RFXANK: variants seen among roughly 807,000 people sequenced by gnomAD.
RFXANK encodes regulatory factor X associated ankyrin containing protein.
Under a neutral mutation model 34.5 loss-of-function variants are expected in RFXANK, and 19 were observed. The observed-to-expected ratio is 0.55, with a 90% confidence interval of 0.38 to 0.81. RFXANK has a LOEUF of 0.81. Among genes scored for constraint, RFXANK ranks in the 30% least tolerant of loss-of-function variants. The pLI, the probability that RFXANK is intolerant of heterozygous loss-of-function variation, is 0.00. For synonymous variants in RFXANK, 154 were observed against 149.8 expected, an observed-to-expected ratio of 1.03 and a Z score of -0.20; for missense variants, 295 against 343.5, an observed-to-expected ratio of 0.86 and a Z score of 1.12.
rs1424876858 is a variant in RFXANK, at chr19:19,198,173, T to C, written c.505T>C (p.Tyr169His). Residue 169 changes from tyrosine (Y) to histidine (H), a missense_variant, in exon 7 of 10, where the codon TAC (tyrosine) becomes CAC (histidine). Transcript: ENST00000303088. ...CCTGTCGCTGGCCAGCACAGGCGGC[T>C]ACACAGACATTGTGGGGCTGCTGCT... is the stretch of plus-strand genomic sequence containing the variant. ...SALSLASTGG[Y>H]TDIVGLLLER... 6.2e-7 allele frequency: 1 copy of C among 1,614,168 alleles called. No homozygotes were observed. The highest frequency in any genetic ancestry group is 1.1e-5 in the South Asian group (1 of 91,072).
chr19:19,192,594 C>A (rs1398959670), intron 1 of RFXANK, 40 bp downstream of exon 1: 1 of 162,848 alleles, frequency 6.1e-6, no homozygotes, highest in Non-Finnish European at 1.3e-5. Flanking sequence ...CCGCGTACTT[C>A]CCCTACTTCT....
intron 9 of RFXANK, among the ~76,000 whole-genome samples, chr19:19,200,211 G>C (rs1346100465): frequency 3.6e-5 from 5 of 139,644 alleles, no homozygotes; most frequent in Admixed American, 7.6e-5. Flanking sequence ...GGAGTCTCGC[G>C]CTGTCACCCA....
chr19:19,198,574 C>G (rs970408065), intron 7 of RFXANK, 83 bp from the exon 8 acceptor site: 61 of 1,511,870 alleles, frequency 4.0e-5, no homozygotes, highest in Non-Finnish European at 5.3e-5. Flanking sequence ...GAACCACGTT[C>G]AACTGGAGGC....
At chr19:19,197,470 G>T (rs976000415) in intron 5 of RFXANK, 51 bp from the exon 6 acceptor site, 1 of 1,579,056 alleles carries the variant, frequency 6.3e-7, no homozygotes, top group African/African-American at 1.3e-5. Context: ...CAGCACTGGG[G>T]ATAGGGGGCA....
chr19:19,198,292 T>C, intron 7 of RFXANK, 60 bp downstream of exon 7: 3 of 1,608,056 alleles, frequency 1.9e-6, no homozygotes, highest in South Asian at 1.1e-5. Context: ...CTGCCTCAAA[T>C]GTTCACAGAG....
At chr19:19,199,375 C>G in intron 9 of RFXANK, 141 bp downstream of exon 9, 1 of 850,704 alleles carries the variant, frequency 1.2e-6, no homozygotes, top group South Asian at 1.4e-5. Flanking sequence ...GCTGTGTATC[C>G]CGCCTGGGAA....
rs964421837 is a variant in RFXANK at position 19,199,076 on chromosome 19, A to G, written c.632-78A>G. On this transcript the variant is annotated intron_variant, in intron 8 of 9. Coordinates refer to ENST00000303088, the MANE Select transcript of RFXANK (RefSeq NM_003721.4). Reference sequence around the variant, plus strand: ...TGCATTGTGGGGAATGAGGGGTGCCATGGGATCTCCCAGGTCCCCAGACCC... The same window carrying G: ...TGCATTGTGGGGAATGAGGGGTGCCGTGGGATCTCCCAGGTCCCCAGACCC... 2.2e-6 allele frequency: 3 copies of G among 1,372,580 alleles called. No homozygotes were observed. The African/African-American group carries it at 4.3e-5, about 19-fold the overall frequency. The allele number at this position is 1,372,580 out of a possible 1,614,324, so 85.0% of individuals were successfully genotyped here.
intron 5 of RFXANK, 113 bp from the exon 6 acceptor site, chr19:19,197,408 C>T: frequency 8.2e-7 from 1 of 1,223,828 alleles, no homozygotes; most frequent in Non-Finnish European, 1.2e-6. Flanking sequence ...TCAACATACG[C>T]TCCCCCTCAT....
chr19:19,199,010 C>T (rs947911788), intron 8 of RFXANK, 144 bp from the exon 9 acceptor site: 2 of 846,058 alleles, frequency 2.4e-6, no homozygotes, highest in Admixed American at 4.0e-5. Flanking sequence ...AGAGGTTGGA[C>T]CCTTGTCAAA....
intron 9 of RFXANK, among the ~76,000 whole-genome samples, chr19:19,200,298 C>T (rs2060685200): frequency 6.6e-6 from 1 of 151,728 alleles, no homozygotes; most frequent in African/African-American, 2.4e-5. Flanking sequence ...CTGCCTCAGC[C>T]TCCTGAGTAG....
At chr19:19,200,056 G>A (rs1269152353) in intron 9 of RFXANK, among the ~76,000 whole-genome samples, 1 of 152,022 alleles carries the variant, frequency 6.6e-6, no homozygotes, top group African/African-American at 2.4e-5. Context: ...ATGAAGTGGT[G>A]CAGGCACAGC....
chr19:19,198,763 T>C (rs1322668682), intron 8 of RFXANK, 40 bp downstream of exon 8: 2 of 1,599,428 alleles, frequency 1.3e-6, no homozygotes, highest in African/African-American at 1.3e-5. Flanking sequence ...GCCCCAGCAC[T>C]CCAGCGGGCC....
rs901570702 is a variant in RFXANK at position 19,197,049 on chromosome 19, G to A, written c.271+3G>A. The A allele has an allele frequency of 9.3e-6, 15 of 1,613,596 alleles. No individual in the cohort carries two copies. The highest frequency in any genetic ancestry group is 1.2e-5 in the Non-Finnish European group (14 of 1,180,010). The stretch of plus-strand genomic sequence containing the variant: ...AGCTCTGCCGGCCACCCTAGACTGT[G>A]AGTGGGCCCACGGTCCCCAACAAGG... On this transcript the variant is annotated splice_donor_region_variant and intron_variant, in intron 4 of 9. Transcript: ENST00000303088.
chr19:19,199,344 T>C (rs948463760), intron 9 of RFXANK, 110 bp downstream of exon 9: 1 of 1,021,118 alleles, frequency 9.8e-7, no homozygotes, highest in African/African-American at 1.6e-5. Context: ...AGCGAGAGTG[T>C]GTTGACAGGT....
chr19:19,196,823 C>A, intron 3 of RFXANK, 140 bp from the exon 4 acceptor site: 1 of 811,228 alleles, frequency 1.2e-6, no homozygotes, highest in East Asian at 2.5e-5. Context: ...CGAGATCACG[C>A]CACTGTACTC....
rs1196984337 is a variant in RFXANK, at chr19:19,197,626, G to A, written c.438+5G>A. On this transcript the variant is annotated splice_donor_5th_base_variant and intron_variant, in intron 6 of 9. Transcript: ENST00000303088. Reference sequence around the variant, plus strand: ...GTTCGCTTCCTGCTGGAGTGGGTGCGTCCCAGCCCAGCTGGGCAGCTGGGG... The same window carrying A: ...GTTCGCTTCCTGCTGGAGTGGGTGCATCCCAGCCCAGCTGGGCAGCTGGGG... 3.7e-6 allele frequency: 6 copies of A among 1,612,846 alleles called. No homozygotes were observed. The highest frequency in any genetic ancestry group is 2.7e-5 in the African/African-American group (2 of 74,894).
At chr19:19,199,878 G>A (rs578006546) in intron 9 of RFXANK, among the ~76,000 whole-genome samples, 1 of 152,168 alleles carries the variant, frequency 6.6e-6, no homozygotes. Context: ...CAATTGAACC[G>A]ACCCCCTGGG....
intron 5 of RFXANK, 28 bp from the exon 6 acceptor site, chr19:19,197,493 G>T: frequency 6.2e-7 from 1 of 1,607,990 alleles, no homozygotes. Flanking sequence ...GGTGCAGCCT[G>T]GTGGTATTGC....
At position 19,198,742 on chromosome 19, in the gene RFXANK, T is replaced by G; in HGVS notation, c.631+19T>G. 1 of 1,613,436 alleles carries G rather than the reference T, an allele frequency of 6.2e-7. No homozygotes were observed. Among genetic ancestry groups the G allele is most frequent in the Non-Finnish European group, 8.5e-7 (1 of 1,179,888 alleles). On this transcript the variant is annotated intron_variant, in intron 8 of 9. Coordinates refer to ENST00000303088, the MANE Select transcript of RFXANK (RefSeq NM_003721.4). Reference sequence around the variant, plus strand: ...TTGCTGGGTGAGTGGGAGTCGGGAGTGGCCCTGGGGGCCCCAGCACTCCAG... The same window carrying G: ...TTGCTGGGTGAGTGGGAGTCGGGAGGGGCCCTGGGGGCCCCAGCACTCCAG...
Sources: gnomAD v4.1 joint callset for allele counts (sites outside exome capture counted in the v4.1 genomes callset) on GRCh38, gnomAD v4.1.1 for gene constraint, MANE v1.5 for transcripts, NCBI Gene and HGNC (gene_info 2026-07-23, HGNC 2026-07-21) for gene names.